Variants in CLASP1 observed in about 807,000 individuals in gnomAD.
CLASP1 encodes the protein CLIP-associating protein 1.
Under a neutral mutation model 192.3 loss-of-function variants are expected in CLASP1, and 38 were observed. The ratio of observed to expected loss-of-function variants is 0.20; its 90% CI spans 0.15 to 0.26. The LOEUF is 0.26. Ranked by LOEUF, CLASP1 falls within the 10% of genes least tolerant of loss-of-function variation. CLASP1 has a pLI of 1.00. For synonymous variants in CLASP1, 691 were observed against 712.8 expected (o/e 0.97, Z 0.49); for missense variants, 1,433 against 1,932.5 (o/e 0.74, Z 4.85).
chr2:121,594,633 T>G (rs760053075), intron 2 of CLASP1, among the ~76,000 whole-genome samples: 14 of 152,070 alleles, frequency 9.2e-5, no homozygotes, highest in Non-Finnish European at 2.1e-4. Context: ...CCTCGTGATC[T>G]GCCCGCCTTG....
intron 14 of CLASP1, among the ~76,000 whole-genome samples, chr2:121,453,916 G>C (rs149694973): frequency 1.4e-3 from 214 of 152,268 alleles, no homozygotes; most frequent in African/African-American, 4.9e-3. Flanking sequence ...CTTTCTGAGG[G>C]CAGAGGGCAG....
chr2:121,544,907 C>CTTTTTTTTTTTT (rs3078562), intron 2 of CLASP1, among the ~76,000 whole-genome samples: 2 of 122,884 alleles, frequency 1.6e-5, no homozygotes, highest in African/African-American at 3.0e-5. Flanking sequence ...CTTTTCTTTT[C>CTTTTTTTTTTTT]TTTTTTTTTT....
intron 1 of CLASP1, among the ~76,000 whole-genome samples, chr2:121,614,269 G>A (rs912617314): frequency 6.7e-6 from 1 of 148,416 alleles, no homozygotes; most frequent in Middle Eastern, 3.6e-3. Flanking sequence ...GCCAAGGCAG[G>A]TGGATGACCT....
chr2:121,519,335 T>C (rs114606074), intron 6 of CLASP1, among the ~76,000 whole-genome samples: 6,183 of 151,844 alleles, frequency 0.041, 435 homozygotes, highest in African/African-American at 0.14. Flanking sequence ...GAGGAGTGAG[T>C]GATTGCAGCA....
intron 8 of CLASP1, chr2:121,470,198 A>G (rs2090423810): frequency 1.7e-6 from 1 of 578,480 alleles, no homozygotes; most frequent in African/African-American, 1.9e-5. Context: ...AAATTTTGAA[A>G]AATAGAACAA....
intron 2 of CLASP1, among the ~76,000 whole-genome samples, chr2:121,597,479 T>A (rs1017023930): frequency 1.3e-5 from 2 of 152,186 alleles, no homozygotes; most frequent in Non-Finnish European, 2.9e-5. Context: ...TGTATGTGTG[T>A]GTGTATGTGT....
At chr2:121,572,211 G>A (rs560904224) in intron 2 of CLASP1, among the ~76,000 whole-genome samples, 28 of 152,194 alleles carry the variant, frequency 1.8e-4, no homozygotes, top group Admixed American at 4.6e-4. Flanking sequence ...GGTGGATCAC[G>A]AGATCAGGAG....
At chr2:121,406,228 C>CT (rs2149485586) in intron 25 of CLASP1, among the ~76,000 whole-genome samples, 1 of 152,234 alleles carries the variant, frequency 6.6e-6, no homozygotes, top group East Asian at 1.9e-4. Flanking sequence ...TAACCACATA[C>CT]TTTTTTGGTA....
intron 35 of CLASP1, 132 bp from the exon 37 acceptor site, chr2:121,365,416 C>T (rs1186557733): frequency 1.2e-6 from 1 of 839,866 alleles, no homozygotes; most frequent in Non-Finnish European, 1.9e-6. Flanking sequence ...CGGTTCCCCT[C>T]CCACCCTCCG....
chr2:121,386,685 C>T (rs1341666684), intron 32 of CLASP1, among the ~76,000 whole-genome samples: 1 of 152,204 alleles, frequency 6.6e-6, no homozygotes, highest in Non-Finnish European at 1.5e-5. Flanking sequence ...AACATGATAG[C>T]AACTATGTTT....
chr2:121,378,770 C>G (rs1262607610), intron 33 of CLASP1, among the ~76,000 whole-genome samples: 4 of 152,018 alleles, frequency 2.6e-5, no homozygotes, highest in African/African-American at 9.7e-5. Flanking sequence ...CGCGAAGAAT[C>G]CTTGGCTGTA....
chr2:121,464,143 A>G (rs1045762773), intron 9 of CLASP1, among the ~76,000 whole-genome samples: 3 of 151,370 alleles, frequency 2.0e-5, no homozygotes, highest in African/African-American at 7.3e-5. Context: ...ATGATTTCCA[A>G]TTTCATCCAT....
chr2:121,472,528 C>A (rs887322519), intron 8 of CLASP1, among the ~76,000 whole-genome samples: 3 of 152,072 alleles, frequency 2.0e-5, no homozygotes, highest in African/African-American at 7.2e-5. Flanking sequence ...TTCCAGGTCA[C>A]CAAGTACAGG....
At chr2:121,391,089 C>T (rs768064324) in intron 30 of CLASP1, among the ~76,000 whole-genome samples, 10 of 152,160 alleles carry the variant, frequency 6.6e-5, no homozygotes, top group African/African-American at 9.7e-5. Context: ...ACAACACAAA[C>T]GTCGACACAG....
intron 8 of CLASP1, among the ~76,000 whole-genome samples, chr2:121,501,363 T>C (rs561582514): frequency 6.6e-6 from 1 of 152,052 alleles, no homozygotes; most frequent in Non-Finnish European, 1.5e-5. Context: ...ACCCCACTCA[T>C]CACGAGTGCA....
intron 37 of CLASP1, among the ~76,000 whole-genome samples, chr2:121,355,420 C>T (rs1268290105): frequency 1.3e-5 from 2 of 152,152 alleles, no homozygotes; most frequent in African/African-American, 4.8e-5. Flanking sequence ...TGAGCCACCA[C>T]GCCCGGATGA....
At chr2:121,488,773 T>C (rs143033825) in intron 8 of CLASP1, among the ~76,000 whole-genome samples, 59 of 152,346 alleles carry the variant, frequency 3.9e-4, no homozygotes, top group South Asian at 8.3e-4. Flanking sequence ...GGTCATGAAT[T>C]AATACATGAT....
intron 22 of CLASP1, among the ~76,000 whole-genome samples, chr2:121,423,387 TC>T (rs1482359224): frequency 3.3e-5 from 5 of 152,052 alleles, no homozygotes; most frequent in Non-Finnish European, 7.4e-5. Context: ...AACACAAACT[TC>T]CTAGTTAAAA....
At chr2:121,343,431 A>G (rs1307403181) in intron 39 of CLASP1, among the ~76,000 whole-genome samples, 1 of 152,202 alleles carries the variant, frequency 6.6e-6, no homozygotes, top group African/African-American at 2.4e-5. Flanking sequence ...GGGTCTATCA[A>G]CAGATGAGCA....
Sources: allele counts gnomAD v4.1 joint callset (sites outside exome capture counted in the v4.1 genomes callset), GRCh38; gene constraint gnomAD v4.1.1; transcripts MANE v1.5; gene names NCBI Gene and HGNC (gene_info 2026-07-23, HGNC 2026-07-21).